LMNTD1: variants seen among roughly 807,000 people sequenced by gnomAD.
LMNTD1 encodes lamin tail domain containing 1.
Under a neutral mutation model 50.9 loss-of-function variants are expected in LMNTD1, and 35 were observed. The observed-to-expected ratio is 0.69, with a 90% CI of 0.53 to 0.91. LMNTD1 has a LOEUF of 0.91. LMNTD1 is among the 40% of genes least tolerant of loss of function. LMNTD1 has a pLI of 0.00. For synonymous variants in LMNTD1, 153 were observed against 161.9 expected (o/e 0.94, Z 0.42); for missense variants, 470 against 475.5 (o/e 0.99, Z 0.11).
intron 8 of LMNTD1, among the ~76,000 whole-genome samples, chr12:25,507,332 C>A (rs1304829595): frequency 6.6e-6 from 1 of 152,164 alleles, no homozygotes; most frequent in Non-Finnish European, 1.5e-5. Flanking sequence ...TTCAAATTCA[C>A]CTAATTATCT....
chr12:25,609,064 A>T (rs2136531420), intron 1 of LMNTD1, among the ~76,000 whole-genome samples: 1 of 152,172 alleles, frequency 6.6e-6, no homozygotes, highest in Non-Finnish European at 1.5e-5. Flanking sequence ...ATTTCATTTT[A>T]TTCATTTGAT....
At chr12:25,612,207 G>A (rs1218176874) in intron 1 of LMNTD1, among the ~76,000 whole-genome samples, 1 of 151,580 alleles carries the variant, frequency 6.6e-6, no homozygotes, top group East Asian at 1.9e-4. Context: ...AATGCTTCTT[G>A]TTAAAACAAA....
intron 1 of LMNTD1, among the ~76,000 whole-genome samples, chr12:25,628,197 T>C (rs904112803): frequency 4.0e-5 from 6 of 151,588 alleles, no homozygotes; most frequent in African/African-American, 1.5e-4. Flanking sequence ...CATATATTAC[T>C]TGAAGTTGAC....
chr12:25,534,716 A>G (rs1942460609), intron 4 of LMNTD1, among the ~76,000 whole-genome samples: 2 of 152,206 alleles, frequency 1.3e-5, no homozygotes, highest in South Asian at 4.1e-4. Flanking sequence ...GTCACAGGGT[A>G]AGGAAGTTCC....
chr12:25,510,136 A>ATT (rs796287984), intron 8 of LMNTD1, among the ~76,000 whole-genome samples: 1 of 150,912 alleles, frequency 6.6e-6, no homozygotes, highest in Non-Finnish European at 1.5e-5. Flanking sequence ...ATTGTTTCCA[A>ATT]TTTTTTTTTA....
intron 2 of LMNTD1, among the ~76,000 whole-genome samples, chr12:25,552,226 C>T (rs1347626218): frequency 6.6e-6 from 1 of 152,082 alleles, no homozygotes; most frequent in African/African-American, 2.4e-5. Flanking sequence ...TTCTTACGGA[C>T]ATTTCCAAAA....
intron 1 of LMNTD1, among the ~76,000 whole-genome samples, chr12:25,569,880 T>C (rs1251923916): frequency 6.6e-6 from 1 of 152,208 alleles, no homozygotes; most frequent in Non-Finnish European, 1.5e-5. Context: ...CGTGAACCAA[T>C]TCAACCTCTT....
At chr12:25,642,795 T>C (rs1946982360) in intron 1 of LMNTD1, among the ~76,000 whole-genome samples, 5 of 152,252 alleles carry the variant, frequency 3.3e-5, no homozygotes, top group Admixed American at 3.3e-4. Flanking sequence ...AGAGCTACCT[T>C]AGCTGATGCT....
chr12:25,546,960 G>A (rs1367689135), intron 3 of LMNTD1, among the ~76,000 whole-genome samples: 1 of 151,480 alleles, frequency 6.6e-6, no homozygotes. Context: ...TTCCCAAATG[G>A]CTACCCATAA....
chr12:25,478,637 T>C (rs959640894), intron 9 of LMNTD1, among the ~76,000 whole-genome samples: 1 of 152,070 alleles, frequency 6.6e-6, no homozygotes, highest in Non-Finnish European at 1.5e-5. Flanking sequence ...GTACAAAAAT[T>C]AGCCCGGTGT....
At chr12:25,604,327 T>A (rs1476431915) in intron 1 of LMNTD1, among the ~76,000 whole-genome samples, 1 of 151,924 alleles carries the variant, frequency 6.6e-6, no homozygotes, top group East Asian at 1.9e-4. Context: ...AAAATCATGG[T>A]TCTTTATTTA....
intron 4 of LMNTD1, among the ~76,000 whole-genome samples, chr12:25,535,397 T>C (rs1263315645): frequency 1.4e-5 from 2 of 141,718 alleles, no homozygotes; most frequent in African/African-American, 5.1e-5. Flanking sequence ...ACAAAAAATA[T>C]TTGAAGAAAT....
At chr12:25,569,628 G>A (rs1229700634) in intron 1 of LMNTD1, among the ~76,000 whole-genome samples, 1 of 152,198 alleles carries the variant, frequency 6.6e-6, no homozygotes, top group East Asian at 1.9e-4. Flanking sequence ...GGATCACAAA[G>A]ACAGATCACT....
In LMNTD1 at chr12:25,547,160, A is replaced by G. The variant is rs564336899; in HGVS notation, c.311-606T>C. 5.8e-5 allele frequency: 51 copies of G among 878,710 alleles called. 2 individuals are homozygous for G. The East Asian group carries it at 5.9e-3, about 101-fold the overall frequency. 54.4% of individuals were successfully genotyped at this position (878,710 alleles called of 1,614,324 possible). ...TTGATTCAAATACAATATAGTTTTC[A>G]TAATTTTAAGCATAAAGAGCCATTC... On this transcript the variant is annotated intron_variant, in intron 3 of 9. Coordinates refer to ENST00000458174, the MANE Select transcript of LMNTD1 (RefSeq NM_001145728.2).
At chr12:25,542,754 A>G (rs1943175435) in intron 4 of LMNTD1, among the ~76,000 whole-genome samples, 1 of 150,506 alleles carries the variant, frequency 6.6e-6, no homozygotes, top group African/African-American at 2.4e-5. Flanking sequence ...AAAAGAAGAA[A>G]AAAAAAGCCC....
At chr12:25,500,446 A>G (rs1939321179) in intron 9 of LMNTD1, among the ~76,000 whole-genome samples, 1 of 152,196 alleles carries the variant, frequency 6.6e-6, no homozygotes, top group African/African-American at 2.4e-5. Context: ...AGTAAGAGAT[A>G]TGTGAACATA....
intron 8 of LMNTD1, among the ~76,000 whole-genome samples, chr12:25,508,610 C>T (rs2135971001): frequency 6.6e-6 from 1 of 152,194 alleles, no homozygotes; most frequent in African/African-American, 2.4e-5. Context: ...TTTTGGTGCA[C>T]ATATGTATAT....
chr12:25,621,654 A>G (rs958890864), intron 1 of LMNTD1, among the ~76,000 whole-genome samples: 6 of 152,158 alleles, frequency 3.9e-5, no homozygotes, highest in African/African-American at 1.2e-4. Context: ...TTTTCCTTTC[A>G]GTTATTCATT....
At chr12:25,526,308 C>A in intron 5 of LMNTD1, 90 bp from the exon 6 acceptor site, 1 of 1,241,992 alleles carries the variant, frequency 8.1e-7, no homozygotes, top group Admixed American at 2.3e-5. Flanking sequence ...TCTTTCTGAA[C>A]AGATGAGGTT....
Sources: gnomAD v4.1 joint callset for allele counts (sites outside exome capture counted in the v4.1 genomes callset) on GRCh38, gnomAD v4.1.1 for gene constraint, MANE v1.5 for transcripts, NCBI Gene and HGNC (gene_info 2026-07-23, HGNC 2026-07-21) for gene names.